The following AHDC1 variants were observed in gnomAD, a reference collection of about 807,000 sequenced individuals.
AHDC1 encodes the protein transcription factor Gibbin.
A neutral mutation model predicts 87.9 loss-of-function variants in AHDC1; 7 were observed. That is an observed-to-expected ratio of 0.08 (90% confidence interval 0.05 to 0.15). The LOEUF (loss-of-function observed/expected upper bound fraction) is 0.15, where lower values mean the gene tolerates loss of function less well. Ranked by LOEUF, AHDC1 falls within the 10% of genes least tolerant of loss-of-function variation. AHDC1 has a pLI of 1.00. For synonymous variants in AHDC1, 1,051 were observed against 1,006.8 expected, an observed-to-expected ratio of 1.04 and a Z score of -0.83; for missense variants, 1,841 against 2,253.2, an observed-to-expected ratio of 0.82 and a Z score of 3.70.
At chr1:27,601,898 C>A (rs1413531474) in intron 3 of AHDC1, among the ~76,000 whole-genome samples, 1 of 152,216 alleles carries the variant, frequency 6.6e-6, no homozygotes. Context: ...AATGTGGCCA[C>A]CCTGACCCGG....
In AHDC1 at chr1:27,590,238, C is replaced by T. The variant is rs985688892; in HGVS notation, c.-629+13159G>A. Reference sequence around the variant, plus strand: ...CGCCTGCTGGAGACCCGCCCTCACCCGCCAGGATGCCTGGGTCCCTGGGGC... The same window carrying T: ...CGCCTGCTGGAGACCCGCCCTCACCTGCCAGGATGCCTGGGTCCCTGGGGC... On this transcript the variant is annotated intron_variant, in intron 3 of 8. Coordinates refer to ENST00000673934, the MANE Select transcript of AHDC1 (RefSeq NM_001371928.1). The surrounding 1 kb of genome is among the most constrained non-coding windows in gnomAD (Gnocchi z 5.4). Among the ~76,000 whole-genome samples, 1 of 152,198 alleles carries T rather than the reference C, an allele frequency of 6.6e-6. No individual in the cohort carries two copies. The highest frequency in any genetic ancestry group is 2.4e-5 in the African/African-American group (1 of 41,454).
intron 3 of AHDC1, among the ~76,000 whole-genome samples, chr1:27,559,970 T>C (rs1164368965): frequency 6.6e-6 from 1 of 152,228 alleles, no homozygotes; most frequent in Non-Finnish European, 1.5e-5. Context: ...GTATGTGGGT[T>C]CCTGGGTCTA....
rs1571305207 is a variant in AHDC1, at chr1:27,575,483, G to A, written c.-628-16600C>T. 2.6e-5 allele frequency among the ~76,000 whole-genome samples: 4 copies of A among 151,662 alleles called. No homozygotes were observed. The East Asian group carries it at 5.9e-4, about 22-fold the overall frequency. On this transcript the variant is annotated intron_variant, in intron 3 of 8. Transcript: ENST00000673934. ...GAGGTCTCCCCCCACCACCCTCGCC[G>A]CGGAGGCGCCCCCTAGGGTCGGGCG...
chr1:27,551,541 C>A lies in AHDC1; in HGVS notation c.575G>T (p.Arg192Leu). 6.2e-7 allele frequency: 1 copy of A among 1,605,424 alleles called. No homozygotes were observed. Among genetic ancestry groups the A allele is most frequent in the South Asian group, 1.1e-5 (1 of 90,436 alleles). ...AGGCTCGTAGAGGGGATGGCTGGGC[C>A]GCTCCGACTTGGCGTGTGGGGTGGC... ...ERATPHAKSERPSHPLYEPEP... is the reference protein window; with the variant it reads ...ERATPHAKSELPSHPLYEPEP... The change falls in exon 8 of 9, where the codon CGG (arginine) becomes CTG (leucine). Residue 192 changes from arginine (R) to leucine (L), a missense_variant. Physicochemically the swap from Arg to Leu is moderately radical, Grantham distance 102 (BLOSUM62 -2). Coordinates refer to ENST00000673934, the MANE Select transcript of AHDC1 (RefSeq NM_001371928.1).
At chr1:27,539,785 GCTCCTTAAA>G (rs1405457230) in intron 8 of AHDC1, among the ~76,000 whole-genome samples, 1 of 152,134 alleles carries the variant, frequency 6.6e-6, no homozygotes, top group Non-Finnish European at 1.5e-5. Context: ...GACCAGAGGT[GCTCCTTAAA>G]CTCTAGCTCT....
intron 3 of AHDC1, among the ~76,000 whole-genome samples, chr1:27,600,700 A>C (rs866594658): frequency 1.3e-5 from 2 of 152,172 alleles, no homozygotes; most frequent in Non-Finnish European, 2.9e-5. Context: ...TGCCAGGGGC[A>C]GTCTGCCCCT....
intron 3 of AHDC1, among the ~76,000 whole-genome samples, chr1:27,578,467 TA>T (rs924197581): frequency 3.1e-4 from 47 of 151,856 alleles, no homozygotes; most frequent in African/African-American, 1.0e-3. Context: ...TGGGCACCTG[TA>T]ATCCCAGCTA....
At position 27,548,653 on chromosome 1, in the gene AHDC1, G is replaced by T; in HGVS notation, c.3463C>A (p.Gln1155Lys). The T allele has an allele frequency of 1.2e-6, 2 of 1,613,456 alleles. No homozygotes were observed. The highest frequency in any genetic ancestry group is 1.7e-6 in the Non-Finnish European group (2 of 1,180,042). ...ISNYTPQKVK[Q>K]QTAVSETFSE... Reference sequence around the variant, plus strand: ...AAGGTCTCCGACACAGCCGTCTGCTGCTTCACCTTCTGCGGTGTGTAGTTG... The same window carrying T: ...AAGGTCTCCGACACAGCCGTCTGCTTCTTCACCTTCTGCGGTGTGTAGTTG... The change falls in exon 8 of 9, where the codon CAG becomes AAG. Residue 1155 changes from glutamine to lysine, a missense_variant. By Grantham distance (53) the Gln-to-Lys change is moderately conservative. This residue lies in a region of AHDC1 where 505 missense variants were observed against 626.2 expected (regional missense o/e 0.81). Transcript: ENST00000673934.
Position 27,551,942 on chromosome 1 carries a change from G to T in AHDC1, c.174C>A (p.Ser58=). The T allele has an allele frequency of 6.4e-7, 1 of 1,558,858 alleles. No individual in the cohort carries two copies. The highest frequency in any genetic ancestry group is 8.7e-7 in the Non-Finnish European group (1 of 1,151,634). The change falls in exon 8 of 9, where the codon TCC becomes TCA. Residue 58 remains serine (S), a synonymous_variant. Coordinates refer to ENST00000673934, the MANE Select transcript of AHDC1 (RefSeq NM_001371928.1). ...GGCGTGGGGGTGGGCGTGGGTTCTC[G>T]GAGAAGGCGTGGGTGGAGAAGGCCT... ...PDKAFSTHAF[S]ENPRPPPRRD... is the part of the protein sequence containing the mutation.
intron 8 of AHDC1, among the ~76,000 whole-genome samples, chr1:27,546,502 C>T (rs79884985): frequency 0.01 from 1,598 of 152,314 alleles, 21 homozygotes; most frequent in African/African-American, 0.036. Flanking sequence ...GTCAAAATAC[C>T]TTTGCCTGAA....
intron 3 of AHDC1, among the ~76,000 whole-genome samples, chr1:27,588,650 G>A (rs2089132190): frequency 1.3e-5 from 2 of 152,198 alleles, no homozygotes; most frequent in African/African-American, 4.8e-5. Flanking sequence ...ATGATGGTGT[G>A]AGGGAGGCTC....
chr1:27,588,671 T>A (rs2089133463), intron 3 of AHDC1, among the ~76,000 whole-genome samples: 1 of 152,106 alleles, frequency 6.6e-6, no homozygotes, highest in African/African-American at 2.4e-5. Context: ...TCAGTGTGTG[T>A]GTGTGCACAT....
At chr1:27,554,780 G>A (rs2019745113) in intron 5 of AHDC1, among the ~76,000 whole-genome samples, 1 of 152,210 alleles carries the variant, frequency 6.6e-6, no homozygotes, top group Admixed American at 6.5e-5. Flanking sequence ...CAGGAAGACT[G>A]CAGAGCTGAC....
rs1434804997 is a variant in AHDC1 at position 27,560,620 on chromosome 1, GT to G, written c.-628-1738del. Among the ~76,000 whole-genome samples the G allele has an allele frequency of 6.6e-6, 1 of 152,122 alleles. No individual in the cohort carries two copies. Among genetic ancestry groups the G allele is most frequent in the Non-Finnish European group, 1.5e-5 (1 of 68,016 alleles). ...GGTCTCTTTCACCATGGGTCAGTAT[GT>G]GCTCGTGTGTGTGTCCATGCATGTG... On this transcript the variant is annotated intron_variant, in intron 3 of 8. Coordinates refer to ENST00000673934, the MANE Select transcript of AHDC1 (RefSeq NM_001371928.1). The surrounding 1 kb of genome is among the most constrained non-coding windows in gnomAD (Gnocchi z 4.1).
At position 27,550,872 on chromosome 1, in the gene AHDC1, G is replaced by T; in HGVS notation, c.1244C>A (p.Pro415His). The T allele has an allele frequency of 6.3e-7, 1 of 1,581,192 alleles. No homozygotes were observed. ...CACCAGCCCCGTGGGCATAGGCAGGGGCAGTAGGCGGCCCTCGGGTCCGGC... is the reference window on the plus strand; with the variant it reads ...CACCAGCCCCGTGGGCATAGGCAGGTGCAGTAGGCGGCCCTCGGGTCCGGC... Reference protein sequence around the residue: ...ADAGPEGRLLPLPMPTGLVAA... With the variant: ...ADAGPEGRLLHLPMPTGLVAA... Residue 415 changes from proline to histidine, a missense_variant, in exon 8 of 9, where the codon CCC (proline) becomes CAC (histidine). This residue lies in a region of AHDC1 where 370 missense variants were observed against 391.5 expected (regional missense o/e 0.95). Coordinates refer to ENST00000673934, the MANE Select transcript of AHDC1 (RefSeq NM_001371928.1).
intron 3 of AHDC1, among the ~76,000 whole-genome samples, chr1:27,602,375 G>A (rs1421708379): frequency 1.3e-5 from 2 of 152,110 alleles, no homozygotes; most frequent in Non-Finnish European, 2.9e-5. Context: ...TGGCCCCTTC[G>A]CCTGGCAGGA....
At chr1:27,587,003 G>A (rs933118918) in intron 3 of AHDC1, among the ~76,000 whole-genome samples, 1 of 152,164 alleles carries the variant, frequency 6.6e-6, no homozygotes, top group Non-Finnish European at 1.5e-5. Context: ...ATCCATCTCT[G>A]AGGACCCCTC....
chr1:27,535,291 C>A (rs188422054), intron 8 of AHDC1, among the ~76,000 whole-genome samples: 2 of 152,308 alleles, frequency 1.3e-5, no homozygotes, highest in African/African-American at 4.8e-5. Flanking sequence ...CTTCTGTGAG[C>A]CTCAGTTTGC....
In AHDC1 at chr1:27,547,898, C is replaced by T. The variant is rs146774132; in HGVS notation, c.4218G>A (p.Leu1406=). The T allele has an allele frequency of 5.7e-5, 89 of 1,561,296 alleles. No individual in the cohort carries two copies. The highest frequency in any genetic ancestry group is 7.4e-5 in the Non-Finnish European group (85 of 1,150,118). Residue 1406 remains leucine (L), a synonymous_variant, in exon 8 of 9, where the codon CTG becomes CTA. Coordinates refer to ENST00000673934, the MANE Select transcript of AHDC1 (RefSeq NM_001371928.1). The surrounding 1 kb of genome is among the most constrained non-coding windows in gnomAD (Gnocchi z 4.9). ...KAYSPTCSPT[L]GFKEELRPPP... is the part of the protein sequence containing the mutation. Reference sequence around the variant, plus strand: ...GTGGCCGCAGCTCTTCCTTGAAGCCCAGTGTAGGCGAGCAGGTGGGCGAGT... The same window carrying T: ...GTGGCCGCAGCTCTTCCTTGAAGCCTAGTGTAGGCGAGCAGGTGGGCGAGT...
Sources: gnomAD v4.1 joint callset for allele counts (sites outside exome capture counted in the v4.1 genomes callset) on GRCh38, gnomAD v4.1.1 for gene constraint, gnomAD v4.1.1 regional missense constraint, Gnocchi (gnomAD v3.1) non-coding constraint, MANE v1.5 for transcripts, NCBI Gene and HGNC (gene_info 2026-07-23, HGNC 2026-07-21) for gene names.